Variants in AMMECR1 observed in about 807,000 individuals in gnomAD.
The protein encoded by AMMECR1 is nuclear protein AMMECR1.
AMMECR1 carries 3 observed loss-of-function variants against 22.5 expected under a neutral mutation model. That is an observed-to-expected ratio of 0.13 (90% CI 0.06 to 0.35). The LOEUF (loss-of-function observed/expected upper bound fraction) is 0.35. Ranked by LOEUF, AMMECR1 falls within the 10% of genes least tolerant of loss-of-function variation. The probability of loss-of-function intolerance (pLI) is 1.00; values close to 1 mark genes in which losing one functional copy is unlikely to be tolerated. For missense variants in AMMECR1, 235 were observed against 278.7 expected (o/e 0.84, Z 1.12); for synonymous variants, 130 against 116.7 (o/e 1.11, Z -0.74).
intron 2 of AMMECR1, among the ~76,000 whole-genome samples, chrX:110,244,064 C>T (rs1350037781): frequency 9.0e-6 from 1 of 111,731 alleles, no homozygotes; most frequent in Non-Finnish European, 1.9e-5. Context: ...CATCCTCCCC[C>T]TGCCCCATCA....
At chrX:110,312,949 A>G (rs890159832) in intron 1 of AMMECR1, among the ~76,000 whole-genome samples, 2 of 112,727 alleles carry the variant, frequency 1.8e-5, no homozygotes, top group Non-Finnish European at 3.7e-5. Context: ...CGATAGACAG[A>G]TACATCTTCT....
chrX:110,387,948 G>A lies in AMMECR1; in HGVS notation c.-148+38710C>T, dbSNP rs184814866. Among the ~76,000 whole-genome samples, 15 of 99,604 alleles carry A rather than the reference G, an allele frequency of 1.5e-4. No homozygotes were observed. The East Asian group carries it at 2.0e-3, about 13-fold the overall frequency. The allele number at this position is 99,604 out of a possible 115,157, so 86.5% of individuals were successfully genotyped here. ...GCGATCTTGGCTCACTGCAAGCTCC[G>A]CCTCCCGGGTTCACGCCATTCTCCT... On this transcript the variant is annotated intron_variant, in intron 2 of 7. Coordinates refer to the AMMECR1 transcript ENST00000372057.
At chrX:110,431,354 T>C (rs1024177188) in intron 1 of AMMECR1, among the ~76,000 whole-genome samples, 1 of 108,777 alleles carries the variant, frequency 9.2e-6, no homozygotes, top group Admixed American at 9.8e-5. Context: ...TGTGTGTGTG[T>C]GCTGGCTGAG....
At chrX:110,251,770 T>G (rs763117855) in intron 2 of AMMECR1, among the ~76,000 whole-genome samples, 1 of 111,869 alleles carries the variant, frequency 8.9e-6, no homozygotes, top group East Asian at 2.8e-4. Flanking sequence ...ATCAGTTACA[T>G]GTATGTGTGT....
At chrX:110,230,993 GAAAC>G (rs1485591783) in intron 2 of AMMECR1, among the ~76,000 whole-genome samples, 2 of 111,730 alleles carry the variant, frequency 1.8e-5, no homozygotes, top group African/African-American at 6.5e-5. Context: ...AAAAAAGTAA[GAAAC>G]AAACAAAGCC....
chrX:110,421,277 G>A (rs1172610682), intron 2 of AMMECR1, among the ~76,000 whole-genome samples: 3 of 112,737 alleles, frequency 2.7e-5, no homozygotes, highest in African/African-American at 9.7e-5. Context: ...GTCTGAAGGT[G>A]AGAGATGCTT....
intron 2 of AMMECR1, chrX:110,219,549 T>G (rs1332561304): frequency 1.3e-6 from 1 of 747,377 alleles, no homozygotes; most frequent in African/African-American, 2.3e-5. Flanking sequence ...AAAACATAAG[T>G]GAAGATCAGG....
At chrX:110,224,276 T>C (rs2067519905) in intron 2 of AMMECR1, among the ~76,000 whole-genome samples, 1 of 111,391 alleles carries the variant, frequency 9.0e-6, no homozygotes, top group African/African-American at 3.3e-5. Flanking sequence ...TTCATTTTCT[T>C]TCATTTTCAA....
chrX:110,270,397 G>A (rs1482342128), intron 1 of AMMECR1, among the ~76,000 whole-genome samples: 1 of 111,815 alleles, frequency 8.9e-6, no homozygotes, highest in African/African-American at 3.3e-5. Context: ...CAGGCAGACA[G>A]TGCAGAATCA....
chrX:110,302,965 G>C (rs895594760), intron 1 of AMMECR1, among the ~76,000 whole-genome samples: 1 of 111,508 alleles, frequency 9.0e-6, no homozygotes, highest in Non-Finnish European at 1.9e-5. Flanking sequence ...ATTTGGGGTG[G>C]GAGAGATTGA....
chrX:110,341,761 G>A (rs1192299918), intron 2 of AMMECR1, among the ~76,000 whole-genome samples: 1 of 112,436 alleles, frequency 8.9e-6, no homozygotes, highest in East Asian at 2.8e-4. Context: ...GCTGTAAAGT[G>A]CTTCCTTTCA....
chrX:110,432,321 A>G (rs1463523694), intron 1 of AMMECR1, among the ~76,000 whole-genome samples: 1 of 112,135 alleles, frequency 8.9e-6, no homozygotes. Flanking sequence ...CCCTTGTACC[A>G]CTACACCCCC....
chrX:110,327,733 AGTT>A (rs911342971), intron 2 of AMMECR1, among the ~76,000 whole-genome samples: 4 of 112,063 alleles, frequency 3.6e-5, no homozygotes, highest in Non-Finnish European at 5.6e-5. Context: ...TATTTTAAGT[AGTT>A]GTTATTATTA....
At chrX:110,232,620 G>A (rs947137665) in intron 2 of AMMECR1, among the ~76,000 whole-genome samples, 8 of 110,686 alleles carry the variant, frequency 7.2e-5, no homozygotes, top group African/African-American at 2.6e-4. Flanking sequence ...GCTGGGCACC[G>A]TGGCTCATGC....
chrX:110,277,003 T>C (rs2067829466), intron 1 of AMMECR1, among the ~76,000 whole-genome samples: 1 of 110,986 alleles, frequency 9.0e-6, no homozygotes, highest in Admixed American at 9.7e-5. Flanking sequence ...CTCACTTCGT[T>C]TGTTCCCTTT....
At chrX:110,342,434 C>G (rs191604241) in intron 2 of AMMECR1, among the ~76,000 whole-genome samples, 1,876 of 111,168 alleles carry the variant, frequency 0.017, 42 homozygotes, top group African/African-American at 0.057. Context: ...GCAGTGGCCG[C>G]AATCTCAGCT....
At chrX:110,217,862 C>G (rs141738451) in intron 2 of AMMECR1, among the ~76,000 whole-genome samples, 27 of 111,173 alleles carry the variant, frequency 2.4e-4, no homozygotes, top group African/African-American at 8.5e-4. Context: ...AGCTCATCCA[C>G]TGCGTTTTTA....
chrX:110,215,443 G>A (rs2067468907), intron 3 of AMMECR1, among the ~76,000 whole-genome samples: 1 of 111,561 alleles, frequency 9.0e-6, no homozygotes, highest in Admixed American at 9.6e-5. Context: ...AAGGAATCAG[G>A]GCAAAGCCAA....
At chrX:110,234,431 C>G (rs1244171022) in intron 2 of AMMECR1, among the ~76,000 whole-genome samples, 1 of 111,895 alleles carries the variant, frequency 8.9e-6, no homozygotes, top group East Asian at 2.8e-4. Context: ...TCAATGCCAT[C>G]CCCATCAAGC....
Sources: allele counts gnomAD v4.1 joint callset (sites outside exome capture counted in the v4.1 genomes callset), GRCh38; gene constraint gnomAD v4.1.1; transcripts MANE v1.5; gene names NCBI Gene and HGNC (gene_info 2026-07-23, HGNC 2026-07-21).